The following TATDN2 variants were observed in gnomAD, a reference collection of about 807,000 sequenced individuals.
TATDN2 encodes the protein 3'-5' RNA nuclease TATDN2.
In TATDN2, 44 loss-of-function variants were observed where a neutral mutation model predicts 60.3. The ratio of observed to expected loss-of-function variants is 0.73; its 90% confidence interval spans 0.57 to 0.94. The LOEUF is 0.94. TATDN2 is among the 40% of genes least tolerant of loss of function. TATDN2 has a pLI of 0.00. For synonymous variants in TATDN2, 399 were observed against 355.8 expected (o/e 1.12, Z -1.37); for missense variants, 997 against 948.0 (o/e 1.05, Z -0.68).
chr3:10,278,776 C>T lies in TATDN2; in HGVS notation c.2146-109C>T, dbSNP rs957720308. The stretch of plus-strand genomic sequence containing the variant: ...GCACCTGCAGGTAAAGGGGTCTCTA[C>T]AGGGCAGCCCCAAAGAGGTCCTTGC... On this transcript the variant is annotated intron_variant, in intron 6 of 7. Coordinates refer to ENST00000448281, the MANE Select transcript of TATDN2 (RefSeq NM_014760.4). This position sits in a 1 kb window ranked among gnomAD's most constrained non-coding sequence, Gnocchi z 4.7. 1 of 1,544,830 alleles carries T rather than the reference C, an allele frequency of 6.5e-7. No individual in the cohort carries two copies. The highest frequency in any genetic ancestry group is 8.8e-7 in the Non-Finnish European group (1 of 1,133,588).
In TATDN2 at chr3:10,270,164, T is replaced by A; in HGVS notation, c.982T>A (p.Ser328Thr). 1 of 1,613,878 alleles carries A rather than the reference T, an allele frequency of 6.2e-7. No homozygotes were observed. The highest frequency in any genetic ancestry group is 8.5e-7 in the Non-Finnish European group (1 of 1,179,862). ...KDREVVMEHP[S>T]SGSDWSDVEE... ...TAGGGAGGTGGTGATGGAGCACCCC[T>A]CTTCTGGAAGTGACTGGTCTGATGT... The change falls in exon 4 of 8, where the codon TCT becomes ACT. Residue 328 changes from serine (S) to threonine (T), a missense_variant. Physicochemically the swap from Ser to Thr is moderately conservative, Grantham distance 58. Transcript: ENST00000448281.
rs913608550 is a variant in TATDN2, at chr3:10,264,488, C to T, written c.948+3818C>T. Reference sequence around the variant, plus strand: ...GGTTTCAGGAAAGAGTAAAATAAGTCGAATTTGTTCAGTACATCCTTAGCC... The same window carrying T: ...GGTTTCAGGAAAGAGTAAAATAAGTTGAATTTGTTCAGTACATCCTTAGCC... On this transcript the variant is annotated intron_variant, in intron 3 of 7. Transcript: ENST00000448281. Among the ~76,000 whole-genome samples the T allele has an allele frequency of 2.0e-5, 3 of 152,004 alleles. No homozygotes were observed. In the South Asian group the frequency reaches 6.2e-4, roughly 32 times the overall value.
In TATDN2 at chr3:10,278,096, A is replaced by G. The variant is rs1698664645; in HGVS notation, c.1962-183A>G. Among the ~76,000 whole-genome samples, 1 of 151,686 alleles carries G rather than the reference A, an allele frequency of 6.6e-6. No individual in the cohort carries two copies. The highest frequency in any genetic ancestry group is 2.4e-5 in the African/African-American group (1 of 41,274). On this transcript the variant is annotated intron_variant, in intron 5 of 7. Transcript: ENST00000448281. The surrounding 1 kb of genome is among the most constrained non-coding windows in gnomAD (Gnocchi z 4.7). ...CTGAGTGATCTCTGATCACTCACCA[A>G]GTGCCATCTCGGGGCTTCCTGTGTT...
intron 5 of TATDN2, among the ~76,000 whole-genome samples, chr3:10,277,020 G>T (rs1453412717): frequency 2.7e-5 from 4 of 149,240 alleles, no homozygotes; most frequent in Non-Finnish European, 5.9e-5. Context: ...TAAATCACCA[G>T]TGAGCACAAG....
At position 10,279,211 on chromosome 3, in the gene TATDN2, C is replaced by T. The variant is rs542247478; in HGVS notation, c.*39-10C>T. 2.5e-6 allele frequency: 2 copies of T among 801,946 alleles called. No individual in the cohort carries two copies. The highest frequency in any genetic ancestry group is 2.8e-5 in the East Asian group (1 of 35,218). 49.7% of individuals were successfully genotyped at this position (801,946 alleles called of 1,614,324 possible). On this transcript the variant is annotated splice_polypyrimidine_tract_variant and intron_variant, in intron 7 of 7. Transcript: ENST00000448281. ...TTGGAACCTTCTTCTTTTTCTCTTC[C>T]ACCCTCCAGGGCGACCAGCAGCCTG...
chr3:10,260,740 T>C, intron 3 of TATDN2, 70 bp downstream of exon 3: 1 of 1,526,820 alleles, frequency 6.5e-7, no homozygotes, highest in Non-Finnish European at 8.8e-7. Context: ...TCTTTCTAGT[T>C]TGATCCTAAG....
chr3:10,277,477 GC>G (rs1224288381), intron 5 of TATDN2, among the ~76,000 whole-genome samples: 1 of 152,166 alleles, frequency 6.6e-6, no homozygotes, highest in Non-Finnish European at 1.5e-5. Context: ...AGGAGGTGAT[GC>G]CTGGCCGGCT....
intron 4 of TATDN2, among the ~76,000 whole-genome samples, chr3:10,275,143 A>C (rs1698616839): frequency 6.6e-6 from 1 of 151,770 alleles, no homozygotes; most frequent in African/African-American, 2.4e-5. Flanking sequence ...CTGCCACCAC[A>C]CCCAGCTAAT....
intron 3 of TATDN2, among the ~76,000 whole-genome samples, chr3:10,268,986 G>A (rs957855967): frequency 1.3e-5 from 2 of 152,168 alleles, no homozygotes; most frequent in African/African-American, 4.8e-5. Context: ...GCCTAGACTG[G>A]GGCAGGTGTT....
intron 2 of TATDN2, among the ~76,000 whole-genome samples, chr3:10,250,231 A>G (rs1207365763): frequency 1.4e-5 from 2 of 143,822 alleles, no homozygotes; most frequent in African/African-American, 5.5e-5. Context: ...GAAACATGCA[A>G]GAGGGTTTCA....
At chr3:10,257,601 AAAAAAAAAAAC>A (rs1698327876) in intron 2 of TATDN2, among the ~76,000 whole-genome samples, 1 of 148,866 alleles carries the variant, frequency 6.7e-6, no homozygotes, top group South Asian at 2.1e-4. Context: ...TGTCTCCAAA[AAAAAAAAAAAC>A]AAAAAAAAAA....
intron 2 of TATDN2, among the ~76,000 whole-genome samples, chr3:10,252,243 T>C (rs1420871809): frequency 6.7e-6 from 1 of 148,196 alleles, no homozygotes; most frequent in Non-Finnish European, 1.5e-5. Flanking sequence ...CAAGCTGTCC[T>C]CTTGCCTTGT....
In TATDN2 at chr3:10,278,646, G is replaced by A. The variant is rs748157841; in HGVS notation, c.2145+184G>A. The A allele has an allele frequency of 1.4e-5, 14 of 997,104 alleles. No homozygotes were observed. In the South Asian group the frequency reaches 1.7e-4, roughly 12 times the overall value. 61.8% of individuals were successfully genotyped at this position (997,104 alleles called of 1,614,324 possible). A position where few individuals can be genotyped will look rare whatever the true frequency, so the allele number is the denominator to read the frequency against. On this transcript the variant is annotated intron_variant, in intron 6 of 7. Coordinates refer to ENST00000448281, the MANE Select transcript of TATDN2 (RefSeq NM_014760.4). The surrounding 1 kb of genome is among the most constrained non-coding windows in gnomAD (Gnocchi z 4.7). The stretch of plus-strand genomic sequence containing the variant: ...GTCTAGGGGGCTGAGAAGCTGAAGG[G>A]TAACCACTCTCTTCCAGGCAGTGCA...
chr3:10,259,894 C>T (rs1698373498), intron 2 of TATDN2, among the ~76,000 whole-genome samples: 1 of 152,180 alleles, frequency 6.6e-6, no homozygotes, highest in Non-Finnish European at 1.5e-5. Context: ...TTCATTTCAG[C>T]TCCTTCCGTC....
At chr3:10,272,366 C>T (rs983911024) in intron 4 of TATDN2, among the ~76,000 whole-genome samples, 1 of 152,026 alleles carries the variant, frequency 6.6e-6, no homozygotes, top group African/African-American at 2.4e-5. Context: ...CTCCACCTCC[C>T]CAGTTCAAGT....
At chr3:10,276,529 C>T in intron 5 of TATDN2, 41 bp downstream of exon 5, 1 of 1,596,350 alleles carries the variant, frequency 6.3e-7, no homozygotes, top group Non-Finnish European at 8.5e-7. Flanking sequence ...GAAAGAAACA[C>T]TTCCTCTGTC....
intron 5 of TATDN2, among the ~76,000 whole-genome samples, chr3:10,276,809 G>A (rs796097835): frequency 7.2e-5 from 11 of 152,246 alleles, no homozygotes; most frequent in African/African-American, 1.9e-4. Flanking sequence ...GGCTGGTCCC[G>A]AACTCCTGAC....
At chr3:10,253,902 A>T (rs930178569) in intron 2 of TATDN2, among the ~76,000 whole-genome samples, 5 of 152,212 alleles carry the variant, frequency 3.3e-5, no homozygotes, top group Admixed American at 2.0e-4. Context: ...GATTAGTCCA[A>T]CTTCAAAGCC....
chr3:10,273,884 C>T (rs149894952), intron 4 of TATDN2, among the ~76,000 whole-genome samples: 1,988 of 152,268 alleles, frequency 0.013, 40 homozygotes, highest in African/African-American at 0.045. Flanking sequence ...TTGCACATGT[C>T]AGCATCTGGG....
Sources: allele counts gnomAD v4.1 joint callset (sites outside exome capture counted in the v4.1 genomes callset), GRCh38; gene constraint gnomAD v4.1.1; non-coding constraint Gnocchi (gnomAD v3.1); transcripts MANE v1.5; gene names NCBI Gene and HGNC (gene_info 2026-07-23, HGNC 2026-07-21).